The following GALC variants were observed in gnomAD, a reference collection of about 807,000 sequenced individuals.
GALC encodes the protein galactosylceramidase.
GALC carries 77 observed loss-of-function variants against 91.8 expected under a neutral mutation model. The observed-to-expected ratio is 0.84, with a 90% CI of 0.70 to 1.01. The LOEUF (loss-of-function observed/expected upper bound fraction) is 1.01, where lower values mean the gene tolerates loss of function less well. Among genes scored for constraint, GALC ranks in the 50% least tolerant of loss-of-function variants. The pLI is 0.00. For missense variants in GALC, 882 were observed against 855.9 expected (o/e 1.03, Z -0.38); for synonymous variants, 357 against 306.7 (o/e 1.16, Z -1.71).
Position 87,939,914 on chromosome 14 carries a change from T to C in GALC, c.1902A>G (p.Leu634=), listed in dbSNP as rs1446294036. 2 of 1,607,058 alleles carry C rather than the reference T, an allele frequency of 1.2e-6. No homozygotes were observed. The highest frequency in any genetic ancestry group is 2.2e-5 in the South Asian group (2 of 90,916). Residue 634 remains leucine, a synonymous_variant, in exon 16 of 17, where the codon TTA becomes TTG. Coordinates refer to ENST00000261304, the MANE Select transcript of GALC (RefSeq NM_000153.4). Reference sequence around the variant, plus strand: ...AATCAGCAATACTTACCTTAATAGTTAACGTGAGTGTATACCATTTTTTTG... The same window carrying C: ...AATCAGCAATACTTACCTTAATAGTCAACGTGAGTGTATACCATTTTTTTG... ...VTAKKWYTLT[L]TIKGHFTSGM... is the part of the protein sequence containing the mutation.
Position 87,968,476 on chromosome 14 carries a change from C to G in GALC, c.767G>C (p.Gly256Ala). 6.2e-7 allele frequency: 1 copy of G among 1,613,458 alleles called. No homozygotes were observed. The part of the protein sequence containing the change: ...VVDVIGAHYP[G>A]THSAKDAKLT... ...CTTTGCATCTTTTGCTGAATGGGTTCCAGGATAATGAGCCCTAGAAAAAAA... is the reference window on the plus strand; with the variant it reads ...CTTTGCATCTTTTGCTGAATGGGTTGCAGGATAATGAGCCCTAGAAAAAAA... Residue 256 changes from glycine (G) to alanine (A), a missense_variant, in exon 8 of 17, where the codon GGA becomes GCA. Coordinates refer to ENST00000261304, the MANE Select transcript of GALC (RefSeq NM_000153.4).
chr14:87,936,238 G>C (rs1204283143), intron 16 of GALC, among the ~76,000 whole-genome samples: 1 of 152,002 alleles, frequency 6.6e-6, no homozygotes, highest in African/African-American at 2.4e-5. Flanking sequence ...TCCCTGGTTA[G>C]AGAATCAGGG....
intron 10 of GALC, among the ~76,000 whole-genome samples, chr14:87,951,926 T>C (rs370853749): frequency 9.9e-5 from 15 of 151,544 alleles, no homozygotes; most frequent in East Asian, 5.8e-4. Context: ...ACTAGAAAAA[T>C]AGGAGCAAAT....
chr14:87,992,816 C>A (rs1887264854), intron 1 of GALC, 154 bp downstream of exon 1: 9 of 1,403,510 alleles, frequency 6.4e-6, no homozygotes, highest in Non-Finnish European at 7.4e-6. Context: ...CCGCAGCGGG[C>A]CCGCCCCAAC....
intron 12 of GALC, 139 bp from the exon 13 acceptor site, chr14:87,948,017 C>G (rs1291492028): frequency 9.8e-6 from 7 of 711,272 alleles, no homozygotes; most frequent in Non-Finnish European, 1.4e-5. Context: ...GTGGAAAACT[C>G]ACCAATATCA....
intron 7 of GALC, among the ~76,000 whole-genome samples, chr14:87,970,563 G>A (rs560984327): frequency 2.0e-5 from 3 of 152,120 alleles, no homozygotes; most frequent in Admixed American, 2.0e-4. Context: ...TTAATGTATA[G>A]ATTTATTACT....
intron 6 of GALC, among the ~76,000 whole-genome samples, chr14:87,977,961 G>A (rs891250465): frequency 2.0e-5 from 3 of 152,250 alleles, no homozygotes; most frequent in South Asian, 2.1e-4. Flanking sequence ...CAGATCCTTT[G>A]TAGCAAACCG....
At chr14:87,936,949 T>A (rs1884602117) in intron 16 of GALC, among the ~76,000 whole-genome samples, 1 of 134,474 alleles carries the variant, frequency 7.4e-6, no homozygotes, top group African/African-American at 2.7e-5. Flanking sequence ...ATAAGAAAAG[T>A]GTTCTTCATG....
chr14:87,992,455 A>G lies in GALC; in HGVS notation c.195+515T>C, dbSNP rs4899931. On this transcript the variant is annotated intron_variant, in intron 1 of 16. Coordinates refer to ENST00000261304, the MANE Select transcript of GALC (RefSeq NM_000153.4). ...GGCGCTACCCTCTCTGGAGGAGCCCATTCTTACCCTGCACTAACAACTGCA... is the reference window on the plus strand; with the variant it reads ...GGCGCTACCCTCTCTGGAGGAGCCCGTTCTTACCCTGCACTAACAACTGCA... The G allele has an allele frequency of 7.0e-3, 10,734 of 1,530,174 alleles. 61 individuals are homozygous for G. The highest frequency in any genetic ancestry group is 8.3e-3 in the Non-Finnish European group (9,506 of 1,143,976). 94.8% of individuals were successfully genotyped at this position (1,530,174 alleles called of 1,614,324 possible).
At chr14:87,964,216 A>G (rs139710692) in intron 9 of GALC, among the ~76,000 whole-genome samples, 14 of 152,226 alleles carry the variant, frequency 9.2e-5, no homozygotes, top group Non-Finnish European at 2.1e-4. Context: ...TAATTTTCTT[A>G]TATTTTTTGG....
chr14:87,964,050 T>G (rs574392484), intron 9 of GALC, among the ~76,000 whole-genome samples: 1 of 152,174 alleles, frequency 6.6e-6, no homozygotes, highest in East Asian at 1.9e-4. Context: ...GGCCAACAAT[T>G]TCAACATTCA....
chr14:87,967,380 T>C (rs1886100696), intron 8 of GALC, among the ~76,000 whole-genome samples: 1 of 152,196 alleles, frequency 6.6e-6, no homozygotes, highest in South Asian at 2.1e-4. Flanking sequence ...GCCATGAAGA[T>C]GCCTTACCTT....
intron 9 of GALC, among the ~76,000 whole-genome samples, chr14:87,964,441 G>T (rs1832307006): frequency 6.6e-6 from 1 of 151,994 alleles, no homozygotes; most frequent in South Asian, 2.1e-4. Flanking sequence ...AAACAAAATG[G>T]TAATAAATGT....
intron 7 of GALC, among the ~76,000 whole-genome samples, chr14:87,971,663 T>C: frequency 6.6e-6 from 1 of 152,192 alleles, no homozygotes; most frequent in Non-Finnish European, 1.5e-5. Context: ...TGTAAAACAA[T>C]TGTAAATAAT....
At chr14:87,976,010 C>G (rs75290667) in intron 7 of GALC, among the ~76,000 whole-genome samples, 16,734 of 152,132 alleles carry the variant, frequency 0.11, 1,124 homozygotes, top group Non-Finnish European at 0.16. Flanking sequence ...CTTCCAACCA[C>G]AGAATATCTG....
intron 15 of GALC, 35 bp downstream of exon 15, chr14:87,941,360 G>A: frequency 7.7e-7 from 1 of 1,298,302 alleles, no homozygotes; most frequent in Non-Finnish European, 1.1e-6. Flanking sequence ...TAGCCCATAA[G>A]TCATATGCTA....
chr14:87,938,227 TG>T (rs544023869), intron 16 of GALC, among the ~76,000 whole-genome samples: 70 of 152,094 alleles, frequency 4.6e-4, no homozygotes, highest in African/African-American at 1.5e-3. Context: ...AGGAGCTATG[TG>T]CTAGTGAAGG....
chr14:87,947,373 C>G (rs1421417307), intron 13 of GALC, among the ~76,000 whole-genome samples: 1 of 151,916 alleles, frequency 6.6e-6, no homozygotes, highest in Non-Finnish European at 1.5e-5. Flanking sequence ...TGCAGAAAGA[C>G]AGATATGAAT....
chr14:87,962,464 T>C (rs1885846135), intron 10 of GALC, among the ~76,000 whole-genome samples: 1 of 152,132 alleles, frequency 6.6e-6, no homozygotes, highest in Non-Finnish European at 1.5e-5. Context: ...CAGGAATATT[T>C]ACTGTTTGTC....
Sources: allele counts gnomAD v4.1 joint callset (sites outside exome capture counted in the v4.1 genomes callset), GRCh38; gene constraint gnomAD v4.1.1; transcripts MANE v1.5; gene names NCBI Gene and HGNC (gene_info 2026-07-23, HGNC 2026-07-21).